CALD1: variants seen among roughly 807,000 people sequenced by gnomAD.
The protein encoded by CALD1 is caldesmon.
Under a neutral mutation model 99.9 loss-of-function variants are expected in CALD1, and 33 were observed. That is an observed-to-expected ratio of 0.33 (90% confidence interval 0.25 to 0.44). CALD1 has a LOEUF of 0.44. Ranked by LOEUF, CALD1 falls within the 20% of genes least tolerant of loss-of-function variation. CALD1 has a pLI of 1.00. For synonymous variants in CALD1, 310 were observed against 325.0 expected (o/e 0.95, Z 0.50); for missense variants, 861 against 962.1 (o/e 0.89, Z 1.39).
chr7:134,832,793 CCTTCACTCTT>C (rs1182447233), intron 1 of CALD1, among the ~76,000 whole-genome samples: 1 of 152,172 alleles, frequency 6.6e-6, no homozygotes, highest in African/African-American at 2.4e-5. Flanking sequence ...TTGGTTTCTT[CCTTCACTCTT>C]CAAGTGTATT....
chr7:134,876,153 C>T (rs1400443727), intron 3 of CALD1, among the ~76,000 whole-genome samples: 1 of 152,220 alleles, frequency 6.6e-6, no homozygotes, highest in African/African-American at 2.4e-5. Flanking sequence ...ACCCACCAAA[C>T]TTGGCACTTA....
intron 1 of CALD1, among the ~76,000 whole-genome samples, chr7:134,750,604 T>C (rs1259714299): frequency 6.6e-6 from 1 of 152,076 alleles, no homozygotes; most frequent in Non-Finnish European, 1.5e-5. Context: ...TTCCTAGCTA[T>C]TAACAGAAAA....
chr7:134,759,457 C>G (rs768476011), intron 1 of CALD1, among the ~76,000 whole-genome samples: 1 of 152,048 alleles, frequency 6.6e-6, no homozygotes, highest in African/African-American at 2.4e-5. Context: ...GACACAGATA[C>G]GGAGGAACAG....
chr7:134,731,040 T>C, the CALD1 span, among the ~76,000 whole-genome samples: 2,950 of 152,178 alleles, frequency 0.019, 120 homozygotes, highest in African/African-American at 0.068. Context: ...ACCTCACCCA[T>C]GTTACAGCAC....
At chr7:134,826,663 G>C (rs1799010708) in intron 1 of CALD1, among the ~76,000 whole-genome samples, 1 of 152,108 alleles carries the variant, frequency 6.6e-6, no homozygotes, top group South Asian at 2.1e-4. Flanking sequence ...TGTATTGTTG[G>C]TTCATTGTTC....
intron 1 of CALD1, among the ~76,000 whole-genome samples, chr7:134,807,880 G>A (rs1196085664): frequency 1.3e-5 from 2 of 151,922 alleles, no homozygotes; most frequent in Non-Finnish European, 2.9e-5. Flanking sequence ...CACCTGCCTC[G>A]GCCTCCCAAA....
At chr7:134,749,455 A>C (rs1796665638) in intron 1 of CALD1, among the ~76,000 whole-genome samples, 1 of 152,226 alleles carries the variant, frequency 6.6e-6, no homozygotes, top group South Asian at 2.1e-4. Flanking sequence ...CCCCATCTCT[A>C]CTAAAAATAC....
chr7:134,922,382 T>G (rs184835164), intron 3 of CALD1, among the ~76,000 whole-genome samples: 19 of 152,304 alleles, frequency 1.2e-4, no homozygotes, highest in African/African-American at 4.1e-4. Context: ...ATTGCCACAA[T>G]TTTACTTGAA....
chr7:134,837,033 G>GTT (rs141345132), intron 1 of CALD1, among the ~76,000 whole-genome samples: 8 of 148,114 alleles, frequency 5.4e-5, no homozygotes, highest in East Asian at 2.0e-4. Context: ...GATAAGATCT[G>GTT]TTTTTTTTTT....
intron 3 of CALD1, among the ~76,000 whole-genome samples, chr7:134,901,811 A>C (rs1332455438): frequency 6.6e-6 from 1 of 152,056 alleles, no homozygotes; most frequent in Non-Finnish European, 1.5e-5. Context: ...ATGTCTCTTC[A>C]CAGAGGCTTC....
At chr7:134,809,279 G>A (rs1798266791) in intron 1 of CALD1, among the ~76,000 whole-genome samples, 1 of 152,142 alleles carries the variant, frequency 6.6e-6, no homozygotes, top group African/African-American at 2.4e-5. Flanking sequence ...TCTTTTTAAT[G>A]TAGTATTTTG....
At chr7:134,893,888 G>A (rs956101951) in intron 3 of CALD1, among the ~76,000 whole-genome samples, 4 of 152,124 alleles carry the variant, frequency 2.6e-5, no homozygotes, top group Non-Finnish European at 5.9e-5. Context: ...GGAAAGGGTG[G>A]GGATATTGAG....
chr7:134,748,976 A>G (rs1448804408), intron 1 of CALD1, among the ~76,000 whole-genome samples: 1 of 152,164 alleles, frequency 6.6e-6, no homozygotes, highest in Non-Finnish European at 1.5e-5. Context: ...GCAAGAAGGC[A>G]CTGTCTATAG....
At chr7:134,876,664 A>G (rs564753178) in intron 3 of CALD1, among the ~76,000 whole-genome samples, 2 of 152,228 alleles carry the variant, frequency 1.3e-5, no homozygotes, top group Non-Finnish European at 2.9e-5. Context: ...CCCATTTTCT[A>G]TCAATTTTGG....
At chr7:134,858,329 T>A (rs149603175) in intron 2 of CALD1, among the ~76,000 whole-genome samples, 114 of 152,140 alleles carry the variant, frequency 7.5e-4, no homozygotes, top group African/African-American at 2.5e-3. Flanking sequence ...AAGTGCCCAG[T>A]CACAGCTAGA....
chr7:134,886,367 C>A (rs1801851730), intron 3 of CALD1, among the ~76,000 whole-genome samples: 1 of 152,112 alleles, frequency 6.6e-6, no homozygotes, highest in South Asian at 2.1e-4. Context: ...GGGCATAGGA[C>A]TTACAAAGCA....
At chr7:134,737,827 G>A in the CALD1 span, among the ~76,000 whole-genome samples, 1 of 152,126 alleles carries the variant, frequency 6.6e-6, no homozygotes, top group African/African-American at 2.4e-5. Context: ...AATTGCTTCT[G>A]CCAGCCATTC....
intron 1 of CALD1, among the ~76,000 whole-genome samples, chr7:134,817,672 T>G (rs571747913): frequency 6.6e-6 from 1 of 152,256 alleles, no homozygotes; most frequent in Non-Finnish European, 1.5e-5. Flanking sequence ...AACAAAGTCA[T>G]TGTTCTATTT....
chr7:134,728,541 G>C, the CALD1 span, among the ~76,000 whole-genome samples: 1 of 152,198 alleles, frequency 6.6e-6, no homozygotes, highest in Non-Finnish European at 1.5e-5. Context: ...GATATACAGA[G>C]GAACATTTAG....
Sources: allele counts gnomAD v4.1 joint callset (sites outside exome capture counted in the v4.1 genomes callset), GRCh38; gene constraint gnomAD v4.1.1; transcripts MANE v1.5; gene names NCBI Gene and HGNC (gene_info 2026-07-23, HGNC 2026-07-21).